Variants in SPTA1 observed in about 807,000 individuals in gnomAD.
SPTA1 encodes the protein spectrin alpha, erythrocytic 1.
Under a neutral mutation model 324.7 loss-of-function variants are expected in SPTA1, and 177 were observed. That is an observed-to-expected ratio of 0.55 (90% confidence interval 0.48 to 0.62). The LOEUF (loss-of-function observed/expected upper bound fraction) is 0.62. SPTA1 is among the 20% of genes least tolerant of loss of function. The pLI is 0.00. For missense variants in SPTA1, 3,162 were observed against 2,883.6 expected (o/e 1.10, Z -2.21); for synonymous variants, 1,195 against 1,041.3 (o/e 1.15, Z -2.84).
chr1:158,648,700 G>A (rs1452966194), intron 25 of SPTA1, 47 bp from the exon 26 acceptor site: 2 of 1,607,988 alleles, frequency 1.2e-6, no homozygotes, highest in South Asian at 1.1e-5. Context: ...ATATGTACCA[G>A]AGGCAGGCTA....
At chr1:158,637,883 A>C (rs1651202392) in intron 36 of SPTA1, 150 bp downstream of exon 36, 1 of 985,964 alleles carries the variant, frequency 1.0e-6, no homozygotes, top group Non-Finnish European at 1.6e-6. Flanking sequence ...GAAAAATAAA[A>C]CCAATGTTAA....
rs114252253 is a variant in SPTA1 at position 158,668,507 on chromosome 1, A to C, written c.1834-445T>G. On this transcript the variant is annotated intron_variant, in intron 14 of 51. Transcript: ENST00000643759. ...GAACAAGCTTCACAAAATGAAATGC[A>C]AGGATAAGATGTTCATAGCTCTATC... Among the ~76,000 whole-genome samples the C allele has an allele frequency of 6.9e-3, 1,049 of 152,324 alleles. 15 individuals carry two copies. The highest frequency in any genetic ancestry group is 0.024 in the African/African-American group (1,018 of 41,568).
intron 39 of SPTA1, among the ~76,000 whole-genome samples, chr1:158,633,662 A>C (rs960201834): frequency 8.3e-6 from 1 of 119,928 alleles, no homozygotes; most frequent in African/African-American, 4.2e-5. Flanking sequence ...CTCTGTCTCG[A>C]AAAAAAAAAA....
Position 158,657,561 on chromosome 1 carries a change from G to A in SPTA1, c.2721C>T (p.Asp907=), listed in dbSNP as rs775289040. ...TGATCCATGTTTCTGCTTCATGCAG[G>A]TCAGCCAGGTACTGCTGGAACTGGA... ...ANVQFQQYLA[D]LHEAETWIRE... Residue 907 remains aspartate, a synonymous_variant, in exon 19 of 52, where the codon GAC becomes GAT. Coordinates refer to ENST00000643759, the MANE Select transcript of SPTA1 (RefSeq NM_003126.4). The A allele has an allele frequency of 8.7e-6, 14 of 1,614,088 alleles. No homozygotes were observed. The highest frequency in any genetic ancestry group is 1.2e-5 in the Non-Finnish European group (14 of 1,180,002).
Position 158,669,704 on chromosome 1 carries a change from C to T in SPTA1, c.1677+5G>A. ...CACACAGAAGCTCTAGGCCCTTGGA[C>T]ATACCCCGTCACGGATAGCCTTGAT... On this transcript the variant is annotated splice_donor_5th_base_variant and intron_variant, in intron 13 of 51. Transcript: ENST00000643759. 3 of 1,614,132 alleles carry T rather than the reference C, an allele frequency of 1.9e-6. No homozygotes were observed. Among genetic ancestry groups the T allele is most frequent in the Non-Finnish European group, 1.7e-6 (2 of 1,179,990 alleles).
chr1:158,674,625 T>C lies in SPTA1; in HGVS notation c.1163A>G (p.Glu388Gly). 1.2e-6 allele frequency: 2 copies of C among 1,614,074 alleles called. No individual in the cohort carries two copies. The highest frequency in any genetic ancestry group is 1.3e-5 in the African/African-American group (1 of 75,030). Residue 388 changes from glutamate (E) to glycine (G), a missense_variant, in exon 9 of 52, where the codon GAG (glutamate) becomes GGG (glycine). Glu to Gly is a moderately conservative substitution (Grantham distance 98, BLOSUM62 -2). Transcript: ENST00000643759. ...ATCAGCATTGATCGCAGCAGTCTTC[T>C]CGTTCATCCAGCCTGAGAGTTCATC... is the stretch of plus-strand genomic sequence containing the variant. The part of the protein sequence containing the change: ...DFDELSGWMN[E>G]KTAAINADEL...
rs748989449 is a variant in SPTA1, at chr1:158,622,969, T to A, written c.6120+14A>T. The A allele has an allele frequency of 6.2e-7, 1 of 1,610,058 alleles. No individual in the cohort carries two copies. Among genetic ancestry groups the A allele is most frequent in the African/African-American group, 1.3e-5 (1 of 74,842 alleles). On this transcript the variant is annotated intron_variant, in intron 43 of 51. Transcript: ENST00000643759. ...GTAACAGAGAACTGATCATGCCTCA[T>A]AATTTTTTTAAACCTTCTGTAGAGG...
Position 158,674,648 on chromosome 1 carries a change from A to T in SPTA1, c.1140T>A (p.Asp380Glu), listed in dbSNP as rs1303704511. 1 of 1,614,016 alleles carries T rather than the reference A, an allele frequency of 6.2e-7. No individual in the cohort carries two copies. Among genetic ancestry groups the T allele is most frequent in the Admixed American group, 1.7e-5 (1 of 60,018 alleles). ...YWYHRFSSDF[D>E]ELSGWMNEKT... ...TCTCGTTCATCCAGCCTGAGAGTTC[A>T]TCAAAGTCAGATGAAAATCGATGGT... Residue 380 changes from aspartate (D) to glutamate (E), a missense_variant, in exon 9 of 52, where the codon GAT (aspartate) becomes GAA (glutamate). Transcript: ENST00000643759.
intron 6 of SPTA1, 82 bp downstream of exon 6, chr1:158,678,319 G>C (rs1654541949): frequency 9.5e-6 from 15 of 1,576,532 alleles, no homozygotes; most frequent in Non-Finnish European, 1.3e-5. Flanking sequence ...ATTGCTAACA[G>C]AAGTAGAAAG....
At chr1:158,656,705 A>G (rs1436539019) in intron 19 of SPTA1, 49 bp from the exon 20 acceptor site, 3 of 1,515,700 alleles carry the variant, frequency 2.0e-6, no homozygotes, top group African/African-American at 2.8e-5. Context: ...GAGGAACACT[A>G]TTATTTCAAC....
In SPTA1 at chr1:158,656,573, G is replaced by A. The variant is rs371639635; in HGVS notation, c.2889C>T (p.Asn963=). ...GCTAAGTTAGTCTTACCTGGCAGGC[G>A]TTTGCCTGATTCCGCAGAGCTTTCA... ...DSMKALRNQA[N]ACQQQQAAPV... Residue 963 remains asparagine, a synonymous_variant, in exon 20 of 52, where the codon AAC becomes AAT. Coordinates refer to ENST00000643759, the MANE Select transcript of SPTA1 (RefSeq NM_003126.4). The A allele has an allele frequency of 2.4e-4, 390 of 1,613,490 alleles. 1 individual carries two copies. The African/African-American group carries it at 3.2e-3, about 13-fold the overall frequency.
chr1:158,619,404 G>T (rs1557923063), intron 44 of SPTA1, 70 bp from the exon 45 acceptor site: 3 of 1,467,326 alleles, frequency 2.0e-6, no homozygotes, highest in Non-Finnish European at 2.9e-6. Context: ...GAATTGGTTT[G>T]TAGGCTTAAC....
intron 17 of SPTA1, among the ~76,000 whole-genome samples, chr1:158,662,238 A>G (rs921076115): frequency 6.6e-6 from 1 of 152,206 alleles, no homozygotes; most frequent in African/African-American, 2.4e-5. Context: ...CTGCCTCAGT[A>G]TAAGTGTACT....
At chr1:158,612,170 T>G (rs1351577526) in intron 51 of SPTA1, 1 of 154,734 alleles carries the variant, frequency 6.5e-6, no homozygotes, top group Non-Finnish European at 1.4e-5. Flanking sequence ...TAGGAAAATC[T>G]GTTTTCTCAA....
chr1:158,656,867 T>G (rs1652863713), intron 19 of SPTA1, among the ~76,000 whole-genome samples: 1 of 152,200 alleles, frequency 6.6e-6, no homozygotes, highest in African/African-American at 2.4e-5. Context: ...AAATCAAAAT[T>G]AACTCAAACT....
chr1:158,655,621 C>CA (rs1652772820), intron 20 of SPTA1, among the ~76,000 whole-genome samples: 1 of 152,196 alleles, frequency 6.6e-6, no homozygotes, highest in African/African-American at 2.4e-5. Context: ...ACTGATTTGA[C>CA]AGACTGAGTC....
In SPTA1 at chr1:158,663,347, T is replaced by C. The variant is rs181168528; in HGVS notation, c.2221-402A>G. Among the ~76,000 whole-genome samples, 176 of 152,250 alleles carry C rather than the reference T, an allele frequency of 1.2e-3. 1 individual carries two copies. Among genetic ancestry groups the C allele is most frequent in the African/African-American group, 3.8e-3 (159 of 41,534 alleles). ...CTTTAAAATGAGCTATAACTGCAAA[T>C]AAATGGAAACTTCTCAGGCTTAAGT... is the stretch of plus-strand genomic sequence containing the variant. On this transcript the variant is annotated intron_variant, in intron 16 of 51. Coordinates refer to ENST00000643759, the MANE Select transcript of SPTA1 (RefSeq NM_003126.4).
At chr1:158,651,092 C>A (rs185389050) in intron 24 of SPTA1, among the ~76,000 whole-genome samples, 1 of 152,284 alleles carries the variant, frequency 6.6e-6, no homozygotes, top group Admixed American at 6.5e-5. Flanking sequence ...TGTCTCCTTT[C>A]CCACCCCATC....
intron 31 of SPTA1, 45 bp from the exon 32 acceptor site, chr1:158,643,021 C>T: frequency 6.2e-7 from 1 of 1,610,794 alleles, no homozygotes; most frequent in East Asian, 2.2e-5. Flanking sequence ...TCCACCCTTC[C>T]CATGCTCTGA....
Sources: gnomAD v4.1 joint callset for allele counts (sites outside exome capture counted in the v4.1 genomes callset) on GRCh38, gnomAD v4.1.1 for gene constraint, MANE v1.5 for transcripts, NCBI Gene and HGNC (gene_info 2026-07-23, HGNC 2026-07-21) for gene names.